The following ATP13A5 variants were observed in gnomAD, a reference collection of about 807,000 sequenced individuals.
The protein encoded by ATP13A5 is probable cation-transporting ATPase 13A5.
In ATP13A5, 149 loss-of-function variants were observed where a neutral mutation model predicts 150.2. The observed-to-expected ratio is 0.99, with a 90% CI of 0.87 to 1.14. ATP13A5 has a LOEUF of 1.14. Ranked by LOEUF, ATP13A5 falls within the 50% of genes most tolerant of loss-of-function variation. ATP13A5 has a pLI of 0.00. For missense variants in ATP13A5, 1,383 were observed against 1,449.3 expected (o/e 0.95, Z 0.74); for synonymous variants, 497 against 522.2 (o/e 0.95, Z 0.66).
Position 193,324,400 on chromosome 3 carries a change from T to C in ATP13A5, c.1674+464A>G, listed in dbSNP as rs567702142. The stretch of plus-strand genomic sequence containing the variant: ...GCAGAGCCACATTTCAAGGACTGAG[T>C]AGCCACATATGGCTCGTGGCTGCTC... On this transcript the variant is annotated intron_variant, in intron 14 of 29. Coordinates refer to ENST00000342358, the MANE Select transcript of ATP13A5 (RefSeq NM_198505.4). Among the ~76,000 whole-genome samples the C allele has an allele frequency of 2.3e-3, 350 of 152,330 alleles. 2 individuals carry two copies. Among genetic ancestry groups the C allele is most frequent in the African/African-American group, 8.3e-3 (343 of 41,574 alleles).
At chr3:193,281,718 T>C (rs1717503748) in intron 27 of ATP13A5, among the ~76,000 whole-genome samples, 1 of 152,188 alleles carries the variant, frequency 6.6e-6, no homozygotes, top group Non-Finnish European at 1.5e-5. Context: ...TGAGAGTATA[T>C]GTTTGTTATC....
At chr3:193,341,990 T>C (rs1712146882) in intron 9 of ATP13A5, among the ~76,000 whole-genome samples, 1 of 152,112 alleles carries the variant, frequency 6.6e-6, no homozygotes. Context: ...CTATGGTCCT[T>C]TATATTTGGG....
At position 193,275,119 on chromosome 3, in the gene ATP13A5, T is replaced by G; in HGVS notation, c.3580A>C (p.Ser1194Arg). 1 of 1,614,232 alleles carries G rather than the reference T, an allele frequency of 6.2e-7. No individual in the cohort carries two copies. The highest frequency in any genetic ancestry group is 8.5e-7 in the Non-Finnish European group (1 of 1,180,040). ...NGFYINGGYE[S>R]HEQIPKRKLK... ...TTTCTTTTTGGAATCTGTTCATGGCTTTCATAGCCTCCGTTGATGTAGAAT... is the reference window on the plus strand; with the variant it reads ...TTTCTTTTTGGAATCTGTTCATGGCGTTCATAGCCTCCGTTGATGTAGAAT... Residue 1194 changes from serine to arginine, a missense_variant, in exon 30 of 30, where the codon AGC (serine) becomes CGC (arginine). By Grantham distance (110) the Ser-to-Arg change is moderately radical. Transcript: ENST00000342358.
Position 193,275,004 on chromosome 3 carries a change from A to G in ATP13A5, c.*38T>C, listed in dbSNP as rs764216432. 1.9e-6 allele frequency: 3 copies of G among 1,606,144 alleles called. No individual in the cohort carries two copies. Among genetic ancestry groups the G allele is most frequent in the South Asian group, 2.2e-5 (2 of 89,966 alleles). Reference sequence around the variant, plus strand: ...CCACAATGTGTTAATTTTGGGGAAAAAAGCAATGCTGTTGAGCATGTACGA... The same window carrying G: ...CCACAATGTGTTAATTTTGGGGAAAGAAGCAATGCTGTTGAGCATGTACGA... On this transcript the variant is annotated 3_prime_UTR_variant, in exon 30 of 30. Coordinates refer to ENST00000342358, the MANE Select transcript of ATP13A5 (RefSeq NM_198505.4).
chr3:193,344,252 T>A (rs1712239965), intron 8 of ATP13A5, among the ~76,000 whole-genome samples, 197 bp from the exon 9 acceptor site: 2 of 152,154 alleles, frequency 1.3e-5, no homozygotes, highest in Non-Finnish European at 2.9e-5. Flanking sequence ...CAGAAAAGGA[T>A]TAGCTAAGCA....
At chr3:193,275,652 G>C (rs188057042) in intron 29 of ATP13A5, among the ~76,000 whole-genome samples, 1 of 152,274 alleles carries the variant, frequency 6.6e-6, no homozygotes, top group East Asian at 1.9e-4. Context: ...CTTGCTACCT[G>C]CCACCTGCCA....
intron 1 of ATP13A5, among the ~76,000 whole-genome samples, chr3:193,376,901 C>G (rs1713664623): frequency 1.3e-5 from 2 of 152,144 alleles, no homozygotes; most frequent in Non-Finnish European, 2.9e-5. Flanking sequence ...TGCTCTACGC[C>G]CCAGAATTCT....
In ATP13A5 at chr3:193,322,507, C is replaced by G. The variant is rs149040086; in HGVS notation, c.1742G>C (p.Gly581Ala). 1.2e-6 allele frequency: 2 copies of G among 1,613,314 alleles called. No individual in the cohort carries two copies. Among genetic ancestry groups the G allele is most frequent in the South Asian group, 1.1e-5 (1 of 90,998 alleles). The change falls in exon 15 of 30, where the codon GGA becomes GCA. Residue 581 changes from glycine to alanine, a missense_variant. Physicochemically the swap from Gly to Ala is moderately conservative, Grantham distance 60 (BLOSUM62 0). This residue lies in a region of ATP13A5 where 787 missense variants were observed against 771.9 expected (regional missense o/e 1.02). Coordinates refer to ENST00000342358, the MANE Select transcript of ATP13A5 (RefSeq NM_198505.4). ...AAATCATACCTTACTGGCTTTTGGTCCTGGTTTTATGATGTTTGAAACTGA... is the reference window on the plus strand; with the variant it reads ...AAATCATACCTTACTGGCTTTTGGTGCTGGTTTTATGATGTTTGAAACTGA... ...GTSVSNIIKPGPKASKSPVEA... is the reference protein window; with the variant it reads ...GTSVSNIIKPAPKASKSPVEA...
intron 1 of ATP13A5, among the ~76,000 whole-genome samples, chr3:193,373,637 A>C (rs1402451955): frequency 6.6e-6 from 1 of 152,164 alleles, no homozygotes; most frequent in African/African-American, 2.4e-5. Flanking sequence ...CTTGTACATA[A>C]ATGAACCACT....
At chr3:193,321,865 T>G (rs1203900148) in intron 15 of ATP13A5, 28 bp from the exon 16 acceptor site, 3 of 1,607,656 alleles carry the variant, frequency 1.9e-6, no homozygotes, top group Non-Finnish European at 2.6e-6. Flanking sequence ...ACAGGGAGCT[T>G]AACAAGCTGC....
intron 9 of ATP13A5, among the ~76,000 whole-genome samples, chr3:193,337,951 C>G (rs1445848442): frequency 6.6e-6 from 1 of 152,054 alleles, no homozygotes; most frequent in Non-Finnish European, 1.5e-5. Flanking sequence ...CCTTCACATC[C>G]CTTGTAAGTT....
chr3:193,334,256 G>A (rs1351926208), intron 10 of ATP13A5, among the ~76,000 whole-genome samples: 1 of 152,188 alleles, frequency 6.6e-6, no homozygotes. Context: ...AAGTCGGGTG[G>A]CAGAAACAGA....
At position 193,288,230 on chromosome 3, in the gene ATP13A5, T is replaced by C. The variant is rs143172960; in HGVS notation, c.3023+1655A>G. On this transcript the variant is annotated intron_variant, in intron 26 of 29. Transcript: ENST00000342358. ...TTATATAAACTTACTTGACAAAGCATCAGCAGGGTTTGCGAGAATTCACTT... is the reference window on the plus strand; with the variant it reads ...TTATATAAACTTACTTGACAAAGCACCAGCAGGGTTTGCGAGAATTCACTT... Among the ~76,000 whole-genome samples, 72 of 152,258 alleles carry C rather than the reference T, an allele frequency of 4.7e-4. No homozygotes were observed. In the East Asian group the frequency reaches 0.011, roughly 23 times the overall value.
In ATP13A5 at chr3:193,331,261, A is replaced by C. The variant is rs200719625; in HGVS notation, c.1323T>G (p.Thr441=). 278 of 1,614,060 alleles carry C rather than the reference A, an allele frequency of 1.7e-4. 1 individual carries two copies. Among genetic ancestry groups the C allele is most frequent in the Middle Eastern group, 3.3e-4 (2 of 6,046 alleles). ...GGGCAGCTGGCAGCACTGGAGGGAC[A>C]GTCACGGTGAGGAGGATCAGGGCCA... ...VTMALILLTV[T]VPPVLPAALT... Residue 441 remains threonine, a synonymous_variant, in exon 12 of 30, where the codon ACT becomes ACG. Transcript: ENST00000342358.
At chr3:193,312,142 A>T (rs1245946344) in intron 19 of ATP13A5, among the ~76,000 whole-genome samples, 2 of 152,220 alleles carry the variant, frequency 1.3e-5, no homozygotes, top group Non-Finnish European at 2.9e-5. Context: ...AACATATGAT[A>T]CTTGGACAGT....
intron 9 of ATP13A5, among the ~76,000 whole-genome samples, chr3:193,343,671 C>T (rs1211153982): frequency 6.6e-6 from 1 of 152,006 alleles, no homozygotes; most frequent in Admixed American, 6.6e-5. Flanking sequence ...ACCCTATTCA[C>T]CCCACTAATT....
intron 23 of ATP13A5, among the ~76,000 whole-genome samples, chr3:193,303,631 C>G (rs918488779): frequency 2.6e-5 from 4 of 151,874 alleles, no homozygotes; most frequent in African/African-American, 9.7e-5. Flanking sequence ...AACAGGTTTT[C>G]TGAATGGTGG....
intron 1 of ATP13A5, among the ~76,000 whole-genome samples, chr3:193,371,304 G>A (rs1713430015): frequency 6.6e-6 from 1 of 152,226 alleles, no homozygotes; most frequent in Non-Finnish European, 1.5e-5. Flanking sequence ...TTGCAGATGA[G>A]CATCTATCGT....
intron 17 of ATP13A5, among the ~76,000 whole-genome samples, chr3:193,318,088 A>G (rs1371491668): frequency 6.6e-6 from 1 of 152,256 alleles, no homozygotes; most frequent in Non-Finnish European, 1.5e-5. Context: ...TTAAAATGTC[A>G]TGGCTGAAGG....
Sources: allele counts gnomAD v4.1 joint callset (sites outside exome capture counted in the v4.1 genomes callset), GRCh38; gene constraint gnomAD v4.1.1; regional missense constraint gnomAD v4.1.1; transcripts MANE v1.5; gene names NCBI Gene and HGNC (gene_info 2026-07-23, HGNC 2026-07-21).